UIMC1: variants seen among roughly 807,000 people sequenced by gnomAD.
UIMC1 encodes the protein BRCA1-A complex subunit RAP80.
UIMC1 carries 42 observed loss-of-function variants against 84.9 expected under a neutral mutation model. That is an observed-to-expected ratio of 0.49 (90% CI 0.39 to 0.64). The LOEUF (loss-of-function observed/expected upper bound fraction) is 0.64, where lower values mean the gene tolerates loss of function less well. Ranked by LOEUF, UIMC1 falls within the 30% of genes least tolerant of loss-of-function variation. UIMC1 has a pLI of 0.00. For synonymous variants in UIMC1, 281 were observed against 293.0 expected, an observed-to-expected ratio of 0.96 and a Z score of 0.42; for missense variants, 825 against 847.6, an observed-to-expected ratio of 0.97 and a Z score of 0.33.
chr5:176,951,427 C>A, intron 9 of UIMC1, 47 bp downstream of exon 9: 1 of 1,401,084 alleles, frequency 7.1e-7, no homozygotes, highest in Non-Finnish European at 9.5e-7. Context: ...GAGAGGACTG[C>A]CAACGGAAAG....
intron 14 of UIMC1, 198 bp from the exon 15 acceptor site, chr5:176,905,690 T>C (rs558858317): frequency 5.6e-5 from 37 of 661,188 alleles, no homozygotes; most frequent in African/African-American, 1.6e-4. Context: ...AAGCTGGCCA[T>C]TGAGAGAATG....
chr5:176,908,627 A>T lies in UIMC1; in HGVS notation c.1744T>A (p.Cys582Ser). 1 of 1,614,222 alleles carries T rather than the reference A, an allele frequency of 6.2e-7. No individual in the cohort carries two copies. The highest frequency in any genetic ancestry group is 8.5e-7 in the Non-Finnish European group (1 of 1,180,010). ...TGGTCAGCCTTTGCAAGCTGGAGAC[A>T]GGAGTCCACATGACACTGATACTCT... ...FREYQCHVDS[C>S]LQLAKADQGD... Residue 582 changes from cysteine (C) to serine (S), a missense_variant, in exon 12 of 15, where the codon TGT becomes AGT. Physicochemically the swap from Cys to Ser is moderately radical, Grantham distance 112. Transcript: ENST00000511320.
At chr5:177,021,542 C>A (rs1369381168) in intron 1 of UIMC1, among the ~76,000 whole-genome samples, 1 of 152,100 alleles carries the variant, frequency 6.6e-6, no homozygotes, top group East Asian at 1.9e-4. Context: ...CCCCAGGAGG[C>A]CTGGATAACT....
intron 1 of UIMC1, among the ~76,000 whole-genome samples, chr5:177,011,969 T>G (rs1775558141): frequency 6.6e-6 from 1 of 151,990 alleles, no homozygotes; most frequent in African/African-American, 2.4e-5. Flanking sequence ...CCCAGCTAAT[T>G]TTTTGTATTT....
At chr5:176,937,831 G>A (rs986930318) in intron 10 of UIMC1, among the ~76,000 whole-genome samples, 4 of 152,096 alleles carry the variant, frequency 2.6e-5, no homozygotes, top group East Asian at 1.9e-4. Context: ...GGGAGGTTAC[G>A]TCCTCTCTTA....
In UIMC1 at chr5:176,995,561, A is replaced by G. The variant is rs867713554; in HGVS notation, c.-9+11089T>C. Among the ~76,000 whole-genome samples, 1,317 of 140,974 alleles carry G rather than the reference A, an allele frequency of 9.3e-3. 20 individuals carry two copies. Among genetic ancestry groups the G allele is most frequent in the African/African-American group, 0.034 (1,221 of 35,640 alleles). 92.5% of individuals were successfully genotyped at this position (140,974 alleles called of 152,430 possible). ...CCAAAAAAAAAAAAAAAAAAAAAAA[A>G]GGCCAGGCACGGTGGCTCACACCTG... On this transcript the variant is annotated intron_variant, in intron 1 of 14. Coordinates refer to ENST00000511320, the MANE Select transcript of UIMC1 (RefSeq NM_001199298.2).
At chr5:177,017,290 C>T (rs1423132562) in intron 1 of UIMC1, among the ~76,000 whole-genome samples, 1 of 152,162 alleles carries the variant, frequency 6.6e-6, no homozygotes, top group African/African-American at 2.4e-5. Flanking sequence ...AATAAAAAGA[C>T]TATTAGGAGG....
At chr5:176,981,563 G>C (rs1417954574) in intron 2 of UIMC1, among the ~76,000 whole-genome samples, 1 of 152,084 alleles carries the variant, frequency 6.6e-6, no homozygotes, top group Non-Finnish European at 1.5e-5. Flanking sequence ...CACCTCAGGA[G>C]GCCTAGGCAG....
intron 10 of UIMC1, among the ~76,000 whole-genome samples, chr5:176,914,170 C>A (rs923417454): frequency 1.3e-5 from 2 of 151,040 alleles, no homozygotes; most frequent in African/African-American, 4.9e-5. Flanking sequence ...TTTTTTTTCT[C>A]CCCTTAAATG....
At chr5:176,912,947 C>T (rs1029488941) in intron 10 of UIMC1, among the ~76,000 whole-genome samples, 1 of 152,202 alleles carries the variant, frequency 6.6e-6, no homozygotes, top group African/African-American at 2.4e-5. Flanking sequence ...GGATTACAGG[C>T]GTGAGCCACT....
intron 2 of UIMC1, among the ~76,000 whole-genome samples, chr5:176,980,652 T>A (rs892301909): frequency 5.9e-5 from 9 of 152,222 alleles, no homozygotes; most frequent in African/African-American, 2.2e-4. Context: ...GATTTTTTTT[T>A]AAACATATAT....
At chr5:176,907,029 A>G (rs1462977952) in intron 13 of UIMC1, 85 bp downstream of exon 13, 4 of 1,403,296 alleles carry the variant, frequency 2.9e-6, no homozygotes, top group African/African-American at 2.8e-5. Context: ...AGATAACCAC[A>G]GCAAATAGTC....
rs1416905140 is a variant in UIMC1, at chr5:176,943,433, C to T, written c.1499G>A (p.Ser500Asn). 5 of 1,614,048 alleles carry T rather than the reference C, an allele frequency of 3.1e-6. No homozygotes were observed. The African/African-American group carries it at 5.3e-5, about 17-fold the overall frequency. The change falls in exon 10 of 15, where the codon AGT (serine) becomes AAT (asparagine). Residue 500 changes from serine to asparagine, a missense_variant. Coordinates refer to ENST00000511320, the MANE Select transcript of UIMC1 (RefSeq NM_001199298.2). ...KEVAISTFSS[S>N]NQVSCPLCDQ... Reference sequence around the variant, plus strand: ...ACATAGCGGGCAGGATACCTGGTTACTGGATGAGAAGGTAGAAATAGCTAC... The same window carrying T: ...ACATAGCGGGCAGGATACCTGGTTATTGGATGAGAAGGTAGAAATAGCTAC...
chr5:176,933,764 G>C (rs1763398899), intron 10 of UIMC1, among the ~76,000 whole-genome samples: 1 of 151,862 alleles, frequency 6.6e-6, no homozygotes, highest in South Asian at 2.1e-4. Flanking sequence ...TTGAACTCCT[G>C]GCTTTAACTG....
intron 10 of UIMC1, among the ~76,000 whole-genome samples, chr5:176,939,957 T>C (rs900978073): frequency 6.6e-6 from 1 of 152,190 alleles, no homozygotes; most frequent in Non-Finnish European, 1.5e-5. Context: ...GTCTGCGATA[T>C]CCAGAGTGTA....
intron 10 of UIMC1, among the ~76,000 whole-genome samples, chr5:176,918,940 A>G (rs1482222774): frequency 6.6e-6 from 1 of 152,198 alleles, no homozygotes; most frequent in East Asian, 1.9e-4. Flanking sequence ...TAAGATCAAA[A>G]TCTTAAGTGG....
chr5:176,958,825 A>G (rs1353328111), intron 6 of UIMC1, among the ~76,000 whole-genome samples: 2 of 152,254 alleles, frequency 1.3e-5, no homozygotes, highest in African/African-American at 2.4e-5. Context: ...TCATTGATTA[A>G]TGGTAGAGTT....
chr5:176,919,073 T>G (rs1370380048), intron 10 of UIMC1: 1 of 228,672 alleles, frequency 4.4e-6, no homozygotes, highest in African/African-American at 2.4e-5. Context: ...CCGATTCCTG[T>G]ATCACTATTC....
At chr5:176,932,780 C>G (rs1395906284) in intron 10 of UIMC1, among the ~76,000 whole-genome samples, 1 of 152,034 alleles carries the variant, frequency 6.6e-6, no homozygotes, top group East Asian at 1.9e-4. Context: ...CATCCAGCCC[C>G]TGCTGACCCC....
Sources: allele counts gnomAD v4.1 joint callset (sites outside exome capture counted in the v4.1 genomes callset), GRCh38; gene constraint gnomAD v4.1.1; transcripts MANE v1.5; gene names NCBI Gene and HGNC (gene_info 2026-07-23, HGNC 2026-07-21).